The following PLXNA2 variants were observed in gnomAD, a reference collection of about 807,000 sequenced individuals.
PLXNA2 encodes plexin-A2.
PLXNA2 carries 91 observed loss-of-function variants against 193.5 expected under a neutral mutation model. That is an observed-to-expected ratio of 0.47 (90% CI 0.40 to 0.56). PLXNA2 has a LOEUF of 0.56. PLXNA2 is among the 20% of genes least tolerant of loss of function. The pLI is 0.00. For synonymous variants in PLXNA2, 997 were observed against 1,027.3 expected (o/e 0.97, Z 0.56); for missense variants, 1,995 against 2,503.2 (o/e 0.80, Z 4.33).
At chr1:208,034,689 G>C (rs12128144) in intron 26 of PLXNA2, 97 bp from the exon 27 acceptor site, 247,600 of 739,136 alleles carry the variant, frequency 0.33, 49,257 homozygotes, top group Non-Finnish European at 0.43. Context: ...AGATAGCTGT[G>C]GGGTAGAGAG....
chr1:208,065,649 A>G (rs920819769), intron 12 of PLXNA2, among the ~76,000 whole-genome samples: 6 of 152,170 alleles, frequency 3.9e-5, no homozygotes, highest in Admixed American at 3.3e-4. Flanking sequence ...TGGATGAGGG[A>G]GCGCATCACA....
intron 4 of PLXNA2, among the ~76,000 whole-genome samples, chr1:208,128,922 C>T (rs1027168877): frequency 6.6e-6 from 1 of 152,140 alleles, no homozygotes; most frequent in Non-Finnish European, 1.5e-5. Context: ...AGGATGGTCT[C>T]CTGACCTCGT....
intron 27 of PLXNA2, 145 bp downstream of exon 27, chr1:208,034,348 G>A: frequency 1.6e-6 from 1 of 617,550 alleles, no homozygotes; most frequent in East Asian, 2.8e-5. Context: ...CCTGGACTAG[G>A]GAGGACAGAA....
chr1:208,231,913 A>T (rs1046902912), intron 1 of PLXNA2, among the ~76,000 whole-genome samples: 4 of 152,216 alleles, frequency 2.6e-5, no homozygotes. Flanking sequence ...ACTCAAGAGG[A>T]TACTCTCTGC....
At chr1:208,143,667 C>T (rs1668522688) in intron 3 of PLXNA2, among the ~76,000 whole-genome samples, 1 of 152,158 alleles carries the variant, frequency 6.6e-6, no homozygotes, top group South Asian at 2.1e-4. Flanking sequence ...TCAAGCCCCA[C>T]CTCCTCCATG....
At position 208,210,292 on chromosome 1, in the gene PLXNA2, G is replaced by T. The variant is rs148846226; in HGVS notation, c.1359C>A (p.Gly453=). The T allele has an allele frequency of 2.0e-4, 325 of 1,613,626 alleles. No homozygotes were observed. The highest frequency in any genetic ancestry group is 2.6e-4 in the Non-Finnish European group (303 of 1,179,974). ...YSVVFVGTKS[G]KLKKIRADGP... is the part of the protein sequence containing the mutation. Reference sequence around the variant, plus strand: ...CATAGACTCTTACCTTTTTCAGCTTGCCACTCTTAGTCCCCACAAAAACCA... The same window carrying T: ...CATAGACTCTTACCTTTTTCAGCTTTCCACTCTTAGTCCCCACAAAAACCA... The change falls in exon 3 of 32, where the codon GGC becomes GGA. Residue 453 remains glycine (G), a synonymous_variant. Transcript: ENST00000367033.
intron 17 of PLXNA2, among the ~76,000 whole-genome samples, chr1:208,047,805 T>C (rs1665126985): frequency 6.6e-6 from 1 of 152,240 alleles, no homozygotes; most frequent in South Asian, 2.1e-4. Context: ...CAAGTCCAAG[T>C]CTTAACCCTT....
intron 12 of PLXNA2, among the ~76,000 whole-genome samples, chr1:208,069,348 G>A (rs1361285510): frequency 6.6e-6 from 1 of 152,148 alleles, no homozygotes; most frequent in East Asian, 1.9e-4. Context: ...GGGCACCACA[G>A]CTAAATCTGT....
chr1:208,109,327 C>G (rs901198059), intron 4 of PLXNA2, among the ~76,000 whole-genome samples: 2 of 152,188 alleles, frequency 1.3e-5, no homozygotes, highest in African/African-American at 4.8e-5. Context: ...CCCCTTCACC[C>G]CTTCAGGTTT....
chr1:208,046,189 C>G, intron 17 of PLXNA2, 72 bp from the exon 18 acceptor site: 1 of 1,507,992 alleles, frequency 6.6e-7, no homozygotes, highest in East Asian at 2.4e-5. Flanking sequence ...CAGCCGCTCT[C>G]CCACCCTCTC....
At chr1:208,168,740 T>G (rs1371841182) in intron 3 of PLXNA2, among the ~76,000 whole-genome samples, 3 of 142,890 alleles carry the variant, frequency 2.1e-5, no homozygotes, top group African/African-American at 7.6e-5. Flanking sequence ...TTTTTTTTTT[T>G]TTTTTTTTTT....
chr1:208,155,088 G>A (rs561374543), intron 3 of PLXNA2, among the ~76,000 whole-genome samples: 1 of 152,326 alleles, frequency 6.6e-6, no homozygotes, highest in South Asian at 2.1e-4. Flanking sequence ...AGGACTGCGG[G>A]GAGGAGGAGC....
In PLXNA2 at chr1:208,217,393, C is replaced by A; in HGVS notation, c.530G>T (p.Gly177Val). Residue 177 changes from glycine to valine, a missense_variant, in exon 2 of 32, where the codon GGT becomes GTT. Gly to Val is a moderately radical substitution (Grantham distance 109, BLOSUM62 -3). Around this residue, in one of 3 missense-constraint regions of PLXNA2, gnomAD observed 702 missense variants for 812.9 expected, o/e 0.86. Coordinates refer to ENST00000367033, the MANE Select transcript of PLXNA2 (RefSeq NM_025179.4). This position sits in a 1 kb window ranked among gnomAD's most constrained non-coding sequence, Gnocchi z 4.7. ...GCCGATGAAGAGCTTGCCATCCTCA[C>A]CCTCAGAGCGCACAATCACCCCGTA... is the stretch of plus-strand genomic sequence containing the variant. ...TMYGVIVRSE[G>V]EDGKLFIGTA... The A allele has an allele frequency of 6.2e-7, 1 of 1,614,172 alleles. No individual in the cohort carries two copies. Among genetic ancestry groups the A allele is most frequent in the Non-Finnish European group, 8.5e-7 (1 of 1,180,038 alleles).
At chr1:208,093,239 A>T (rs550160594) in intron 8 of PLXNA2, among the ~76,000 whole-genome samples, 1 of 152,362 alleles carries the variant, frequency 6.6e-6, no homozygotes, top group Admixed American at 6.5e-5. Context: ...TGGTGGAAAT[A>T]GTTGCGCCAC....
intron 3 of PLXNA2, among the ~76,000 whole-genome samples, chr1:208,185,969 T>C (rs1002950996): frequency 1.3e-5 from 2 of 151,970 alleles, no homozygotes; most frequent in African/African-American, 4.8e-5. Context: ...GCAGACTAGA[T>C]GTAGCCCTCC....
In PLXNA2 at chr1:208,038,752, G is replaced by A. The variant is rs992654749; in HGVS notation, c.4660+73C>T. Reference sequence around the variant, plus strand: ...AGGACACAGTCATGCCCCTGCAAGGGTTGTGTGCATGGCAGCTTCCCTTCC... The same window carrying A: ...AGGACACAGTCATGCCCCTGCAAGGATTGTGTGCATGGCAGCTTCCCTTCC... On this transcript the variant is annotated intron_variant, in intron 25 of 31. Transcript: ENST00000367033. This position sits in a 1 kb window ranked among gnomAD's most constrained non-coding sequence, Gnocchi z 4.1. The A allele has an allele frequency of 6.1e-6, 9 of 1,477,256 alleles. No individual in the cohort carries two copies. In the African/African-American group the frequency reaches 8.3e-5, roughly 14 times the overall value. The allele number at this position is 1,477,256 out of a possible 1,614,324, so 91.5% of individuals were successfully genotyped here.
chr1:208,038,486 G>C lies in PLXNA2; in HGVS notation c.4661-12C>G. Reference sequence around the variant, plus strand: ...GCCTTGGCGCCACTCTGGGTGGAGGGGGTGGTGCAGGGAGCGGCGTGAGAG... The same window carrying C: ...GCCTTGGCGCCACTCTGGGTGGAGGCGGTGGTGCAGGGAGCGGCGTGAGAG... On this transcript the variant is annotated splice_polypyrimidine_tract_variant and intron_variant, in intron 25 of 31. Coordinates refer to ENST00000367033, the MANE Select transcript of PLXNA2 (RefSeq NM_025179.4). The surrounding 1 kb of genome is among the most constrained non-coding windows in gnomAD (Gnocchi z 4.1). The C allele has an allele frequency of 1.2e-6, 2 of 1,600,866 alleles. No individual in the cohort carries two copies. Among genetic ancestry groups the C allele is most frequent in the South Asian group, 1.1e-5 (1 of 90,798 alleles).
At chr1:208,243,149 C>T (rs138713978) in intron 1 of PLXNA2, among the ~76,000 whole-genome samples, 1 of 152,146 alleles carries the variant, frequency 6.6e-6, no homozygotes, top group Non-Finnish European at 1.5e-5. Context: ...AGTCCCCGAT[C>T]GGAAGGGAGA....
At chr1:208,111,862 A>G (rs912161335) in intron 4 of PLXNA2, among the ~76,000 whole-genome samples, 2 of 152,158 alleles carry the variant, frequency 1.3e-5, no homozygotes, top group African/African-American at 2.4e-5. Flanking sequence ...CAACACCATT[A>G]AGGAAAAAGA....
Sources: allele counts gnomAD v4.1 joint callset (sites outside exome capture counted in the v4.1 genomes callset), GRCh38; gene constraint gnomAD v4.1.1; regional missense constraint gnomAD v4.1.1; non-coding constraint Gnocchi (gnomAD v3.1); transcripts MANE v1.5; gene names NCBI Gene and HGNC (gene_info 2026-07-23, HGNC 2026-07-21).